The following ZNF362 variants were observed in gnomAD, a reference collection of about 807,000 sequenced individuals.
ZNF362 encodes the protein zinc finger protein 362, also known as rotund homolog.
Under a neutral mutation model 42.9 loss-of-function variants are expected in ZNF362, and 11 were observed. The ratio of observed to expected loss-of-function variants is 0.26; its 90% CI spans 0.16 to 0.42. The LOEUF is 0.42. Among genes scored for constraint, ZNF362 ranks in the 20% least tolerant of loss-of-function variants. The pLI is 1.00. For missense variants in ZNF362, 362 were observed against 576.2 expected (o/e 0.63, Z 3.81); for synonymous variants, 255 against 257.3 (o/e 0.99, Z 0.09).
At chr1:33,263,925 C>T (rs1231431366) in intron 1 of ZNF362, among the ~76,000 whole-genome samples, 5 of 152,138 alleles carry the variant, frequency 3.3e-5, no homozygotes, top group Admixed American at 6.5e-5. Flanking sequence ...CTGTTCCCCG[C>T]GAGCCATTTG....
the ZNF362 span, among the ~76,000 whole-genome samples, chr1:33,212,312 AT>A: frequency 2.2e-4 from 33 of 152,244 alleles, 1 homozygote; most frequent in East Asian, 6.2e-3. Context: ...AGTCCCAGGT[AT>A]TTCTTCATAG....
chr1:33,179,643 T>C, the ZNF362 span, among the ~76,000 whole-genome samples: 1 of 152,148 alleles, frequency 6.6e-6, no homozygotes, highest in East Asian at 1.9e-4. Context: ...TTTATTGGTG[T>C]GTACTGTGGG....
the ZNF362 span, among the ~76,000 whole-genome samples, chr1:33,148,675 T>C: frequency 6.6e-6 from 1 of 152,226 alleles, no homozygotes; most frequent in Non-Finnish European, 1.5e-5. Flanking sequence ...TATGTATCTA[T>C]GTACATATAC....
the ZNF362 span, among the ~76,000 whole-genome samples, chr1:33,172,861 G>C: frequency 6.6e-6 from 1 of 152,190 alleles, no homozygotes; most frequent in Admixed American, 6.5e-5. Flanking sequence ...AGAAAAGCCT[G>C]TGTTCAAATC....
At chr1:33,287,146 G>A (rs554080085) in intron 6 of ZNF362, among the ~76,000 whole-genome samples, 19 of 152,366 alleles carry the variant, frequency 1.2e-4, no homozygotes, top group Admixed American at 1.2e-3. Context: ...GATTTATAGA[G>A]AAAATAGAAC....
intron 1 of ZNF362, among the ~76,000 whole-genome samples, chr1:33,259,517 C>G (rs2148060631): frequency 6.6e-6 from 1 of 152,360 alleles, no homozygotes; most frequent in Non-Finnish European, 1.5e-5. Flanking sequence ...ATTCCTTCTT[C>G]TGCCACGGGC....
Position 33,267,039 on chromosome 1 carries a change from G to A in ZNF362, c.-88-3448G>A, listed in dbSNP as rs75858436. ...TGGGACCAGGAGTCCCTTCCTGACT[G>A]CTCTCCTGGCTGGGGTCATGGGTGG... On this transcript the variant is annotated intron_variant, in intron 1 of 8. Coordinates refer to ENST00000539719, the MANE Select transcript of ZNF362 (RefSeq NM_152493.3). Among the ~76,000 whole-genome samples, 760 of 152,252 alleles carry A rather than the reference G, an allele frequency of 5.0e-3. 11 individuals are homozygous for A. Among genetic ancestry groups the A allele is most frequent in the African/African-American group, 0.017 (716 of 41,538 alleles).
At chr1:33,273,763 C>T (rs1258538687) in intron 2 of ZNF362, among the ~76,000 whole-genome samples, 2 of 152,208 alleles carry the variant, frequency 1.3e-5, no homozygotes, top group Admixed American at 1.3e-4. Context: ...AAAATTCTTC[C>T]TTGCTTGCCA....
the ZNF362 span, among the ~76,000 whole-genome samples, chr1:33,221,092 G>A: frequency 6.6e-6 from 1 of 152,206 alleles, no homozygotes; most frequent in African/African-American, 2.4e-5. Context: ...TGGTGCTGGG[G>A]GGCGGGGTGC....
the ZNF362 span, chr1:33,160,017 C>G: frequency 5.5e-5 from 86 of 1,556,556 alleles, no homozygotes; most frequent in Non-Finnish European, 7.1e-5. Flanking sequence ...AGGAGGAAAT[C>G]GAGAGCCTTG....
chr1:33,142,600 T>TAA, the ZNF362 span: 1 of 152,366 alleles, frequency 6.6e-6, no homozygotes, highest in South Asian at 2.1e-4. Flanking sequence ...GGGGCCTTTC[T>TAA]AACTCCACCT....
chr1:33,155,102 C>T, the ZNF362 span, among the ~76,000 whole-genome samples: 3,654 of 141,096 alleles, frequency 0.026, 126 homozygotes, highest in African/African-American at 0.083. Context: ...CAAAAGGTCT[C>T]GCTCTGTCGC....
At chr1:33,257,076 A>G (rs1645798232) in intron 1 of ZNF362, among the ~76,000 whole-genome samples, 4 of 152,190 alleles carry the variant, frequency 2.6e-5, no homozygotes, top group Admixed American at 2.6e-4. Context: ...TGGAGCAGCC[A>G]GTGCCGGATT....
chr1:33,265,302 G>C (rs140218933), intron 1 of ZNF362, among the ~76,000 whole-genome samples: 1 of 151,816 alleles, frequency 6.6e-6, no homozygotes. Context: ...GGGAATGGGG[G>C]GCCCAGAGGT....
the ZNF362 span, among the ~76,000 whole-genome samples, chr1:33,220,119 C>A: frequency 3.3e-5 from 5 of 152,142 alleles, no homozygotes; most frequent in Non-Finnish European, 2.9e-5. Flanking sequence ...TGGGCCCAGG[C>A]CCCGGAGGCT....
the ZNF362 span, among the ~76,000 whole-genome samples, chr1:33,153,066 G>A: frequency 6.6e-6 from 1 of 152,010 alleles, no homozygotes; most frequent in African/African-American, 2.4e-5. Context: ...GAGGGTGGAA[G>A]TGCCAGAGCA....
chr1:33,273,779 C>T (rs1645923080), intron 2 of ZNF362, among the ~76,000 whole-genome samples: 1 of 152,224 alleles, frequency 6.6e-6, no homozygotes. Flanking sequence ...TGCCATCCTC[C>T]TGAGGTTCTG....
chr1:33,239,160 A>G, the ZNF362 span, among the ~76,000 whole-genome samples: 2 of 152,206 alleles, frequency 1.3e-5, no homozygotes, highest in African/African-American at 4.8e-5. Context: ...AGATTATTAT[A>G]TGCCAGAGTA....
chr1:33,250,721 A>C, the ZNF362 span, among the ~76,000 whole-genome samples: 1 of 151,840 alleles, frequency 6.6e-6, no homozygotes. Context: ...CACATCCTGC[A>C]CATGTACCCT....
Sources: gnomAD v4.1 joint callset for allele counts (sites outside exome capture counted in the v4.1 genomes callset) on GRCh38, gnomAD v4.1.1 for gene constraint, MANE v1.5 for transcripts, NCBI Gene and HGNC (gene_info 2026-07-23, HGNC 2026-07-21) for gene names.